Variants in AUH observed in about 807,000 individuals in gnomAD.
AUH encodes methylglutaconyl-CoA hydratase, mitochondrial.
A neutral mutation model predicts 42.3 loss-of-function variants in AUH; 29 were observed. The observed-to-expected ratio is 0.69, with a 90% CI of 0.51 to 0.93. The LOEUF (loss-of-function observed/expected upper bound fraction) is 0.93. AUH is among the 40% of genes least tolerant of loss of function. AUH has a pLI of 0.00. For synonymous variants in AUH, 174 were observed against 166.4 expected (o/e 1.05, Z -0.35); for missense variants, 452 against 438.1 (o/e 1.03, Z -0.28).
intron 6 of AUH, among the ~76,000 whole-genome samples, chr9:91,250,741 T>C (rs545924258): frequency 4.3e-4 from 65 of 152,336 alleles, no homozygotes; most frequent in South Asian, 1.7e-3. Flanking sequence ...CAGAAACTTC[T>C]AGTTTCCAAT....
At chr9:91,238,556 G>C (rs1476015861) in intron 6 of AUH, among the ~76,000 whole-genome samples, 1 of 152,176 alleles carries the variant, frequency 6.6e-6, no homozygotes, top group Non-Finnish European at 1.5e-5. Flanking sequence ...ACCACAAGTG[G>C]CAAAACTGTT....
chr9:91,221,028 G>A, intron 6 of AUH, 36 bp from the exon 7 acceptor site: 1 of 1,607,092 alleles, frequency 6.2e-7, no homozygotes, highest in Non-Finnish European at 8.5e-7. Context: ...GCAATGATTT[G>A]ACACCTGTTA....
Position 91,215,535 on chromosome 9 carries a change from T to G in AUH, c.942+524A>C, listed in dbSNP as rs537764766. On this transcript the variant is annotated intron_variant, in intron 9 of 9. Coordinates refer to ENST00000375731, the MANE Select transcript of AUH (RefSeq NM_001698.3). The stretch of plus-strand genomic sequence containing the variant: ...GTACAGATGCAACCATCTTTTTTTT[T>G]CCTGAATATTTTCAATTTACACTTG... 2.6e-5 allele frequency among the ~76,000 whole-genome samples: 4 copies of G among 152,312 alleles called. 1 individual carries two copies. Among genetic ancestry groups the G allele is most frequent in the African/African-American group, 9.6e-5 (4 of 41,560 alleles).
At chr9:91,250,427 G>A (rs1829062389) in intron 6 of AUH, among the ~76,000 whole-genome samples, 1 of 152,218 alleles carries the variant, frequency 6.6e-6, no homozygotes, top group Admixed American at 6.5e-5. Flanking sequence ...CCTGACTGAG[G>A]ATCAGTTACA....
chr9:91,291,123 A>G (rs1392499307), intron 6 of AUH, among the ~76,000 whole-genome samples: 1 of 152,136 alleles, frequency 6.6e-6, no homozygotes, highest in Non-Finnish European at 1.5e-5. Context: ...ATGTAGATGT[A>G]TTACTGCACT....
intron 3 of AUH, among the ~76,000 whole-genome samples, chr9:91,350,145 T>C (rs1025934390): frequency 6.6e-6 from 1 of 152,262 alleles, no homozygotes; most frequent in Admixed American, 6.5e-5. Context: ...ATTTACATAT[T>C]ACTGTGGTTA....
chr9:91,251,246 T>C (rs1288587779), intron 6 of AUH, among the ~76,000 whole-genome samples: 1 of 152,096 alleles, frequency 6.6e-6, no homozygotes, highest in Non-Finnish European at 1.5e-5. Flanking sequence ...ACATTTGGAG[T>C]GCAATGACAT....
intron 3 of AUH, among the ~76,000 whole-genome samples, chr9:91,339,851 C>T (rs1830971913): frequency 6.6e-6 from 1 of 152,174 alleles, no homozygotes; most frequent in Admixed American, 6.5e-5. Flanking sequence ...TTCCTGAAGA[C>T]ACCTGACAGA....
intron 4 of AUH, among the ~76,000 whole-genome samples, chr9:91,313,823 CTTTT>C (rs983262629): frequency 5.5e-5 from 3 of 54,822 alleles, no homozygotes; most frequent in Non-Finnish European, 1.0e-4. Context: ...CATAAACGCT[CTTTT>C]TTTTTTTTTT....
chr9:91,236,096 T>C (rs1328416188), intron 6 of AUH, among the ~76,000 whole-genome samples: 1 of 152,160 alleles, frequency 6.6e-6, no homozygotes, highest in Non-Finnish European at 1.5e-5. Context: ...AGGAAAGAGA[T>C]TTGAACATGC....
chr9:91,290,957 C>T (rs1327980372), intron 6 of AUH, among the ~76,000 whole-genome samples: 1 of 152,140 alleles, frequency 6.6e-6, no homozygotes, highest in African/African-American at 2.4e-5. Flanking sequence ...TACCTCTGAA[C>T]AACTGAAATT....
At chr9:91,284,591 T>C (rs183099437) in intron 6 of AUH, among the ~76,000 whole-genome samples, 2 of 152,264 alleles carry the variant, frequency 1.3e-5, no homozygotes, top group African/African-American at 4.8e-5. Flanking sequence ...ATCCAGAATC[T>C]ACAATGAACT....
chr9:91,316,498 A>G (rs1464760273), intron 4 of AUH, among the ~76,000 whole-genome samples: 1 of 152,224 alleles, frequency 6.6e-6, no homozygotes, highest in Non-Finnish European at 1.5e-5. Flanking sequence ...TCCCATTAGA[A>G]GTATAAATCT....
intron 4 of AUH, among the ~76,000 whole-genome samples, chr9:91,309,492 A>T (rs1828532101): frequency 6.6e-6 from 1 of 152,216 alleles, no homozygotes; most frequent in Non-Finnish European, 1.5e-5. Flanking sequence ...ATAATAAAAG[A>T]ATGAAACCAC....
intron 4 of AUH, among the ~76,000 whole-genome samples, chr9:91,313,698 C>T (rs1231968542): frequency 1.7e-5 from 2 of 118,330 alleles, no homozygotes; most frequent in African/African-American, 6.9e-5. Context: ...GGCGACAAAG[C>T]GAGACTCCGT....
chr9:91,245,756 C>T (rs1564026378), intron 6 of AUH, among the ~76,000 whole-genome samples: 2 of 152,150 alleles, frequency 1.3e-5, no homozygotes, highest in Admixed American at 6.5e-5. Flanking sequence ...GATGAGAAAA[C>T]GGAGGCCTAA....
intron 1 of AUH, among the ~76,000 whole-genome samples, chr9:91,358,478 G>T (rs1278601821): frequency 6.6e-6 from 1 of 152,042 alleles, no homozygotes; most frequent in Non-Finnish European, 1.5e-5. Context: ...TAAGAATTCG[G>T]CAAGTTACTT....
Position 91,283,969 on chromosome 9 carries a change from T to C in AUH, c.655+12052A>G, listed in dbSNP as rs544586116. Among the ~76,000 whole-genome samples, 10 of 151,548 alleles carry C rather than the reference T, an allele frequency of 6.6e-5. No homozygotes were observed. In the East Asian group the frequency reaches 1.5e-3, roughly 23 times the overall value. On this transcript the variant is annotated intron_variant, in intron 6 of 9. Coordinates refer to ENST00000375731, the MANE Select transcript of AUH (RefSeq NM_001698.3). ...AGAATTAGAAAAAACTACTTTAAAG[T>C]TCATATGGAAAAAAAAAAAGGGCCC...
In AUH at chr9:91,303,312, A is replaced by G. The variant is rs142665115; in HGVS notation, c.506-5236T>C. ...ATATGAACAATTTGATTATTAAAGG[A>G]AAATGTTAGTGTCAGACGCATGATT... On this transcript the variant is annotated intron_variant, in intron 4 of 9. Transcript: ENST00000375731. Among the ~76,000 whole-genome samples the G allele has an allele frequency of 2.6e-5, 4 of 152,198 alleles. No individual in the cohort carries two copies. In the East Asian group the frequency reaches 7.7e-4, roughly 29 times the overall value.
Sources: gnomAD v4.1 joint callset for allele counts (sites outside exome capture counted in the v4.1 genomes callset) on GRCh38, gnomAD v4.1.1 for gene constraint, MANE v1.5 for transcripts, NCBI Gene and HGNC (gene_info 2026-07-23, HGNC 2026-07-21) for gene names.